Variants in RGS5 observed in about 807,000 individuals in gnomAD.
RGS5 encodes the protein regulator of G-protein signalling 5.
Under a neutral mutation model 18.9 loss-of-function variants are expected in RGS5, and 20 were observed. The observed-to-expected ratio is 1.06, with a 90% CI of 0.74 to 1.54. RGS5 has a LOEUF of 1.54. Among genes scored for constraint, RGS5 ranks in the 40% most tolerant of loss-of-function variants. The pLI is 0.00. For synonymous variants in RGS5, 57 were observed against 76.2 expected (o/e 0.75, Z 1.31); for missense variants, 201 against 211.8 (o/e 0.95, Z 0.32).
At chr1:163,224,405 G>A (rs1647289271) in intron 2 of RGS5, among the ~76,000 whole-genome samples, 1 of 152,176 alleles carries the variant, frequency 6.6e-6, no homozygotes, top group African/African-American at 2.4e-5. Flanking sequence ...TTGCTGAATA[G>A]TATTCCACTG....
At chr1:163,313,597 G>A (rs1346407760) in intron 1 of RGS5, among the ~76,000 whole-genome samples, 4 of 152,206 alleles carry the variant, frequency 2.6e-5, no homozygotes, top group Admixed American at 1.3e-4. Context: ...TATGGAGGGA[G>A]AGAGACACAT....
chr1:163,150,001 T>A (rs967411909), intron 4 of RGS5, among the ~76,000 whole-genome samples: 1 of 152,204 alleles, frequency 6.6e-6, no homozygotes, highest in African/African-American at 2.4e-5. Context: ...TCTAAGAATG[T>A]CTGAAGTTGG....
At chr1:163,189,856 G>T (rs933561146) in intron 1 of RGS5, among the ~76,000 whole-genome samples, 6 of 152,146 alleles carry the variant, frequency 3.9e-5, no homozygotes, top group Non-Finnish European at 8.8e-5. Context: ...ATGCACCGTG[G>T]TACCAAAACC....
intron 1 of RGS5, among the ~76,000 whole-genome samples, chr1:163,201,582 A>T (rs1408790001): frequency 1.3e-5 from 2 of 152,040 alleles, no homozygotes; most frequent in African/African-American, 4.8e-5. Flanking sequence ...GGATCATAAT[A>T]AAAAAAAGTT....
intron 2 of RGS5, among the ~76,000 whole-genome samples, chr1:163,245,474 A>G (rs1647903206): frequency 6.6e-6 from 1 of 152,222 alleles, no homozygotes; most frequent in Middle Eastern, 3.2e-3. Context: ...TTTAGCATTG[A>G]CATCATTTTG....
At chr1:163,159,197 G>A (rs1019603314) in intron 3 of RGS5, among the ~76,000 whole-genome samples, 3 of 152,094 alleles carry the variant, frequency 2.0e-5, no homozygotes, top group African/African-American at 7.2e-5. Flanking sequence ...AACAATTTGT[G>A]CAGTTAATGC....
chr1:163,231,513 G>A (rs1647481170), intron 2 of RGS5, among the ~76,000 whole-genome samples: 2 of 152,150 alleles, frequency 1.3e-5, no homozygotes, highest in South Asian at 2.1e-4. Context: ...ACTTTGCCTG[G>A]AGAATTTAAC....
intron 1 of RGS5, among the ~76,000 whole-genome samples, chr1:163,311,273 T>C (rs552599510): frequency 6.6e-6 from 1 of 152,356 alleles, no homozygotes; most frequent in East Asian, 1.9e-4. Flanking sequence ...AAGAAAATGT[T>C]GTGGCTGATT....
At chr1:163,229,546 G>T (rs201383234) in intron 2 of RGS5, among the ~76,000 whole-genome samples, 2 of 152,276 alleles carry the variant, frequency 1.3e-5, no homozygotes, top group East Asian at 3.9e-4. Context: ...TCCATCCCTA[G>T]GTCCAATGAC....
At chr1:163,186,706 A>G (rs1445925323) in intron 1 of RGS5, among the ~76,000 whole-genome samples, 1 of 152,218 alleles carries the variant, frequency 6.6e-6, no homozygotes, top group Admixed American at 6.5e-5. Flanking sequence ...ATGTAAATCC[A>G]GAGGCCTTGC....
At chr1:163,271,911 CAATG>C (rs1249148925) in intron 2 of RGS5, among the ~76,000 whole-genome samples, 12 of 152,234 alleles carry the variant, frequency 7.9e-5, no homozygotes, top group African/African-American at 2.6e-4. Context: ...TTTTCATCAG[CAATG>C]AATGAGAGTT....
intron 1 of RGS5, among the ~76,000 whole-genome samples, chr1:163,197,919 C>T (rs1383760281): frequency 1.3e-5 from 2 of 152,094 alleles, no homozygotes; most frequent in African/African-American, 4.8e-5. Context: ...TTGGTGCTTG[C>T]CTTTTCTCTA....
At chr1:163,246,998 G>A (rs1010053035) in intron 2 of RGS5, among the ~76,000 whole-genome samples, 1 of 152,122 alleles carries the variant, frequency 6.6e-6, no homozygotes, top group Admixed American at 6.5e-5. Context: ...GCCAAATACT[G>A]CATGTTCTCA....
intron 1 of RGS5, among the ~76,000 whole-genome samples, chr1:163,199,687 A>G (rs561262237): frequency 6.6e-6 from 1 of 152,176 alleles, no homozygotes; most frequent in Admixed American, 6.5e-5. Context: ...TCAGCATTAG[A>G]ATCACTGAGC....
intron 2 of RGS5, among the ~76,000 whole-genome samples, chr1:163,262,155 T>TTA (rs2101706304): frequency 6.9e-6 from 1 of 145,916 alleles, no homozygotes; most frequent in Non-Finnish European, 1.5e-5. Flanking sequence ...TTGAAACTTT[T>TTA]TTTTTTTTTT....
chr1:163,308,249 A>G (rs540119868), intron 1 of RGS5, among the ~76,000 whole-genome samples: 13 of 152,308 alleles, frequency 8.5e-5, no homozygotes, highest in African/African-American at 3.1e-4. Context: ...TATACCATAG[A>G]AACTGTGCCA....
chr1:163,167,634 G>A (rs1381373460), intron 2 of RGS5, among the ~76,000 whole-genome samples: 1 of 152,148 alleles, frequency 6.6e-6, no homozygotes, highest in African/African-American at 2.4e-5. Context: ...ATCCAATCAA[G>A]AATATTAATT....
At chr1:163,252,430 ATTAAT>A (rs1648134678) in intron 2 of RGS5, among the ~76,000 whole-genome samples, 1 of 152,208 alleles carries the variant, frequency 6.6e-6, no homozygotes, top group Non-Finnish European at 1.5e-5. Flanking sequence ...TCTTTAAAAA[ATTAAT>A]TTAACTACAT....
upstream of RGS5, chr1:163,203,217 C>T (rs1344247875): frequency 1.2e-5 from 2 of 166,770 alleles, no homozygotes; most frequent in Non-Finnish European, 2.6e-5. Flanking sequence ...TGTGAGCTTC[C>T]TGTGAAGCAA....
Sources: gnomAD v4.1 joint callset for allele counts (sites outside exome capture counted in the v4.1 genomes callset) on GRCh38, gnomAD v4.1.1 for gene constraint, MANE v1.5 for transcripts, NCBI Gene and HGNC (gene_info 2026-07-23, HGNC 2026-07-21) for gene names.